Variants in ANOS1 observed in about 807,000 individuals in gnomAD.
ANOS1 encodes the protein anosmin-1.
ANOS1 carries 6 observed loss-of-function variants against 59.0 expected under a neutral mutation model. The ratio of observed to expected loss-of-function variants is 0.10; its 90% CI spans 0.06 to 0.20. ANOS1 has a LOEUF of 0.20. Ranked by LOEUF, ANOS1 falls within the 10% of genes least tolerant of loss-of-function variation. ANOS1 has a pLI of 1.00. For synonymous variants in ANOS1, 217 were observed against 223.4 expected (o/e 0.97, Z 0.25); for missense variants, 433 against 542.3 (o/e 0.80, Z 2.00).
At chrX:8,575,323 G>A (rs189400191) in intron 6 of ANOS1, among the ~76,000 whole-genome samples, 42 of 112,437 alleles carry the variant, frequency 3.7e-4, no homozygotes, top group African/African-American at 1.4e-3. Flanking sequence ...CAAGGCAAGA[G>A]AAGAATTAAA....
At chrX:8,640,610 G>A (rs947294767) in intron 2 of ANOS1, among the ~76,000 whole-genome samples, 2 of 103,862 alleles carry the variant, frequency 1.9e-5, no homozygotes, top group Non-Finnish European at 2.0e-5. Context: ...AAAAAAAACT[G>A]TTGGAAAGGT....
intron 1 of ANOS1, among the ~76,000 whole-genome samples, chrX:8,720,303 T>C (rs373560954): frequency 6.3e-5 from 7 of 111,500 alleles, no homozygotes; most frequent in Admixed American, 2.9e-4. Flanking sequence ...CCGCAACTTT[T>C]GTTGCAGGCA....
At chrX:8,679,475 GAC>G (rs1437935146) in intron 2 of ANOS1, among the ~76,000 whole-genome samples, 2 of 108,417 alleles carry the variant, frequency 1.8e-5, no homozygotes, top group Non-Finnish European at 3.8e-5. Context: ...GGCCTCTAGA[GAC>G]ACAGAGTCAA....
chrX:8,674,142 TA>T (rs1478222078), intron 2 of ANOS1, among the ~76,000 whole-genome samples: 1 of 112,000 alleles, frequency 8.9e-6, no homozygotes, highest in Non-Finnish European at 1.9e-5. Context: ...TTAGCTGGAT[TA>T]TTTTTTTTCT....
In ANOS1 at chrX:8,597,092, C is replaced by T; in HGVS notation, c.483G>A (p.Lys161=). The T allele has an allele frequency of 8.3e-7, 1 of 1,211,329 alleles. No individual in the cohort carries two copies. The highest frequency in any genetic ancestry group is 1.1e-6 in the Non-Finnish European group (1 of 895,500). The change falls in exon 4 of 14, where the codon AAG becomes AAA. Residue 161 remains lysine, a synonymous_variant. Transcript: ENST00000262648. ...CEVDNECSGV[K]KCCSNGCGHT... is the part of the protein sequence containing the mutation. ...GTCCACACCCATTCGAACAACATTT[C>T]TTCACCCCAGAGCACTCATTGTCAA...
Position 8,587,830 on chromosome X carries a change from G to C in ANOS1, c.690C>G (p.Ser230Arg), listed in dbSNP as rs764251654. The C allele has an allele frequency of 4.1e-6, 5 of 1,205,502 alleles. No individual in the cohort carries two copies. Among genetic ancestry groups the C allele is most frequent in the Non-Finnish European group, 5.6e-6 (5 of 891,904 alleles). ...QRRWNYGIHPSEDDATHWQTV... is the reference protein window; with the variant it reads ...QRRWNYGIHPREDDATHWQTV... Reference sequence around the variant, plus strand: ...TCTGCCAGTGAGTGGCGTCATCTTCGCTAGGATGGATTCCATAATTCCATC... The same window carrying C: ...TCTGCCAGTGAGTGGCGTCATCTTCCCTAGGATGGATTCCATAATTCCATC... The change falls in exon 5 of 14, where the codon AGC (serine) becomes AGG (arginine). Residue 230 changes from serine (S) to arginine (R), a missense_variant. Transcript: ENST00000262648.
chrX:8,623,190 G>C (rs771982995), intron 3 of ANOS1, among the ~76,000 whole-genome samples: 1 of 111,228 alleles, frequency 9.0e-6, no homozygotes. Flanking sequence ...CAGGATATGA[G>C]GAGGAACCCC....
intron 10 of ANOS1, 129 bp from the exon 11 acceptor site, chrX:8,537,071 T>C (rs1406739164): frequency 1.8e-6 from 1 of 561,393 alleles, no homozygotes; most frequent in Non-Finnish European, 3.0e-6. Context: ...ATATGGCTTT[T>C]ATAAAAAGTA....
At chrX:8,548,778 C>T (rs755576447) in intron 9 of ANOS1, among the ~76,000 whole-genome samples, 9 of 112,334 alleles carry the variant, frequency 8.0e-5, no homozygotes, top group Non-Finnish European at 9.4e-5. Flanking sequence ...AAAGAGTGTT[C>T]TCTGGCCAGC....
chrX:8,597,663 T>G (rs1231887871), intron 3 of ANOS1, among the ~76,000 whole-genome samples: 13 of 78,970 alleles, frequency 1.6e-4, no homozygotes, highest in African/African-American at 6.1e-4. Flanking sequence ...TCTCCCTTTT[T>G]TTTTTTTTTT....
chrX:8,708,748 C>T (rs1408308726), intron 1 of ANOS1, among the ~76,000 whole-genome samples: 2 of 111,979 alleles, frequency 1.8e-5, no homozygotes, highest in Non-Finnish European at 1.9e-5. Context: ...TTTGACCCAG[C>T]AATCCCATTA....
intron 6 of ANOS1, among the ~76,000 whole-genome samples, chrX:8,575,980 G>A (rs1332887907): frequency 9.0e-6 from 1 of 111,203 alleles, no homozygotes; most frequent in Non-Finnish European, 1.9e-5. Context: ...ATGGTGTTGT[G>A]TGCCTGTTGT....
At chrX:8,720,526 A>T (rs1230229791) in intron 1 of ANOS1, among the ~76,000 whole-genome samples, 1 of 112,083 alleles carries the variant, frequency 8.9e-6, no homozygotes, top group Non-Finnish European at 1.9e-5. Context: ...TTAAAAGACG[A>T]TTCATGGTTT....
At chrX:8,709,728 T>C (rs1932800490) in intron 1 of ANOS1, among the ~76,000 whole-genome samples, 1 of 111,913 alleles carries the variant, frequency 8.9e-6, no homozygotes. Context: ...GTGTTCTTAA[T>C]ATAGGATGTT....
At chrX:8,678,739 C>T (rs756753513) in intron 2 of ANOS1, among the ~76,000 whole-genome samples, 1 of 111,884 alleles carries the variant, frequency 8.9e-6, no homozygotes, top group Non-Finnish European at 1.9e-5. Flanking sequence ...TTCACATTCT[C>T]TAAACTTCAA....
At chrX:8,585,473 A>C in intron 5 of ANOS1, 77 bp from the exon 6 acceptor site, 11 of 1,095,864 alleles carry the variant, frequency 1.0e-5, no homozygotes, top group Non-Finnish European at 1.4e-5. Context: ...GTTTAGAAAA[A>C]TACACTAACC....
intron 2 of ANOS1, among the ~76,000 whole-genome samples, chrX:8,632,392 C>A (rs1420665887): frequency 8.9e-6 from 1 of 112,208 alleles, no homozygotes. Flanking sequence ...GAATCTAGTT[C>A]TCTTCCATTT....
chrX:8,677,069 G>A lies in ANOS1; in HGVS notation c.255+22629C>T, dbSNP rs1291736759. ...GTGGGGAATACTCTAAGTTGGTGCTGTCCAATATTGCAGTTTCTAGCTACC... is the reference window on the plus strand; with the variant it reads ...GTGGGGAATACTCTAAGTTGGTGCTATCCAATATTGCAGTTTCTAGCTACC... On this transcript the variant is annotated intron_variant, in intron 2 of 13. Coordinates refer to ENST00000262648, the MANE Select transcript of ANOS1 (RefSeq NM_000216.4). Among the ~76,000 whole-genome samples, 4 of 111,922 alleles carry A rather than the reference G, an allele frequency of 3.6e-5. No homozygotes were observed. The East Asian group carries it at 1.1e-3, about 31-fold the overall frequency.
intron 2 of ANOS1, among the ~76,000 whole-genome samples, chrX:8,683,175 C>T (rs1347699268): frequency 9.0e-6 from 1 of 111,310 alleles, no homozygotes; most frequent in Non-Finnish European, 1.9e-5. Context: ...TCAGTGATAT[C>T]AGAGGGGATA....
Sources: gnomAD v4.1 joint callset for allele counts (sites outside exome capture counted in the v4.1 genomes callset) on GRCh38, gnomAD v4.1.1 for gene constraint, MANE v1.5 for transcripts, NCBI Gene and HGNC (gene_info 2026-07-23, HGNC 2026-07-21) for gene names.